Variants in NR2F6 observed in about 807,000 individuals in gnomAD.
The protein encoded by NR2F6 is nuclear receptor subfamily 2 group F member 6.
NR2F6 carries 16 observed loss-of-function variants against 26.5 expected under a neutral mutation model. The observed-to-expected ratio is 0.60, with a 90% CI of 0.41 to 0.92. The LOEUF is 0.92. Ranked by LOEUF, NR2F6 falls within the 40% of genes least tolerant of loss-of-function variation. NR2F6 has a pLI of 0.00. For missense variants in NR2F6, 536 were observed against 631.7 expected, an observed-to-expected ratio of 0.85 and a Z score of 1.62; for synonymous variants, 325 against 305.0, an observed-to-expected ratio of 1.07 and a Z score of -0.68.
chr19:17,238,714 T>G (rs924591733), intron 2 of NR2F6, among the ~76,000 whole-genome samples: 1 of 152,074 alleles, frequency 6.6e-6, no homozygotes, highest in African/African-American at 2.4e-5. Flanking sequence ...GTGATCAGTT[T>G]TAAAAGAAAG....
At chr19:17,240,851 C>A in intron 1 of NR2F6, 86 bp from the exon 2 acceptor site, 1 of 1,350,160 alleles carries the variant, frequency 7.4e-7, no homozygotes, top group South Asian at 1.3e-5. Context: ...GGAGGCTGCC[C>A]CTCAGAAATA....
intron 3 of NR2F6, among the ~76,000 whole-genome samples, chr19:17,234,634 C>T (rs533616354): frequency 2.3e-4 from 35 of 152,114 alleles, no homozygotes; most frequent in South Asian, 4.2e-4. Context: ...GGACTGGTTG[C>T]GCCCAGAAGC....
intron 2 of NR2F6, among the ~76,000 whole-genome samples, chr19:17,236,973 C>G (rs2073442323): frequency 6.6e-6 from 1 of 152,178 alleles, no homozygotes; most frequent in Non-Finnish European, 1.5e-5. Context: ...TGGCTTGTGC[C>G]GGGGTGGGCG....
rs2073414116 is a variant in NR2F6 at position 17,232,633 on chromosome 19, G to T, written c.941-7C>A. On this transcript the variant is annotated splice_region_variant and splice_polypyrimidine_tract_variant and intron_variant, in intron 3 of 3. Coordinates refer to ENST00000291442, the MANE Select transcript of NR2F6 (RefSeq NM_005234.4). The stretch of plus-strand genomic sequence containing the variant: ...TCTGAGAGGCCACAGGCGTCTAGGG[G>T]GACAAAGGCAAGTCAGACAGGTGGG... 2 of 1,524,776 alleles carry T rather than the reference G, an allele frequency of 1.3e-6. No individual in the cohort carries two copies. Among genetic ancestry groups the T allele is most frequent in the East Asian group, 4.5e-5 (2 of 44,196 alleles). The allele number at this position is 1,524,776 out of a possible 1,614,324, so 94.5% of individuals were successfully genotyped here.
At chr19:17,244,900 C>T (rs1450566933) in intron 1 of NR2F6, 43 bp downstream of exon 1, 4 of 1,545,552 alleles carry the variant, frequency 2.6e-6, no homozygotes, top group South Asian at 1.2e-5. Flanking sequence ...TGCCCCAGGT[C>T]GGGGCGGGGT....
chr19:17,235,852 A>C lies in NR2F6; in HGVS notation c.587T>G (p.Val196Gly). The change falls in exon 3 of 4, where the codon GTG (valine) becomes GGG (glycine). Residue 196 changes from valine (V) to glycine (G), a missense_variant. Transcript: ENST00000291442. The surrounding 1 kb of genome is among the most constrained non-coding windows in gnomAD (Gnocchi z 5.0). ...FGAGGGAAGA[V>G]LGIDNVCELA... ...CTCGCACACGTTGTCGATGCCCAGCACCGCGCCCGCCGCGCCGCCCCCTGC... is the reference window on the plus strand; with the variant it reads ...CTCGCACACGTTGTCGATGCCCAGCCCCGCGCCCGCCGCGCCGCCCCCTGC... The C allele has an allele frequency of 1.4e-6, 2 of 1,471,070 alleles. No homozygotes were observed. The highest frequency in any genetic ancestry group is 1.8e-6 in the Non-Finnish European group (2 of 1,119,726). 91.1% of individuals were successfully genotyped at this position (1,471,070 alleles called of 1,614,324 possible).
chr19:17,245,656 T>C lies in NR2F6; in HGVS notation c.-436A>G, dbSNP rs1398633281. The C allele has an allele frequency of 6.8e-6, 1 of 146,160 alleles. No homozygotes were observed. Among genetic ancestry groups the C allele is most frequent in the Non-Finnish European group, 1.5e-5 (1 of 65,766 alleles). The allele number at this position is 146,160 out of a possible 1,614,324, so 9.1% of individuals were successfully genotyped here. On this transcript the variant is annotated 5_prime_UTR_variant, in exon 1 of 4. Coordinates refer to ENST00000291442, the MANE Select transcript of NR2F6 (RefSeq NM_005234.4). This position sits in a 1 kb window ranked among gnomAD's most constrained non-coding sequence, Gnocchi z 5.0. ...GAGCGCGGGAGGCCGGGGGGAAAGT[T>C]TGGCCGCAAGTTGCGCGGCCGCCCG...
At chr19:17,234,258 A>T (rs576666895) in intron 3 of NR2F6, among the ~76,000 whole-genome samples, 1 of 152,088 alleles carries the variant, frequency 6.6e-6, no homozygotes, top group East Asian at 1.9e-4. Flanking sequence ...GGAAAACAAT[A>T]AATAAAGCCA....
chr19:17,234,292 G>A (rs1364428063), intron 3 of NR2F6, among the ~76,000 whole-genome samples: 1 of 151,990 alleles, frequency 6.6e-6, no homozygotes, highest in Non-Finnish European at 1.5e-5. Flanking sequence ...TTGAGACGCG[G>A]TCTCACTCTG....
At chr19:17,233,996 G>A (rs983564834) in intron 3 of NR2F6, among the ~76,000 whole-genome samples, 2 of 151,784 alleles carry the variant, frequency 1.3e-5, no homozygotes, top group Non-Finnish European at 2.9e-5. Context: ...AGGCTGAGGC[G>A]GGCAGATCAT....
rs907848836 is a variant in NR2F6 at position 17,245,148 on chromosome 19, G to T, written c.73C>A (p.Pro25Thr). ...TNGVDKAGGY[P>T]RAAEDDSASP... Reference sequence around the variant, plus strand: ...GCCGAGTCGTCCTCGGCCGCGCGCGGGTAGCCGCCCGCCTTGTCCACGCCG... The same window carrying T: ...GCCGAGTCGTCCTCGGCCGCGCGCGTGTAGCCGCCCGCCTTGTCCACGCCG... The change falls in exon 1 of 4, where the codon CCG (proline) becomes ACG (threonine). Residue 25 changes from proline to threonine, a missense_variant. Pro to Thr is a conservative substitution (Grantham distance 38, BLOSUM62 -1). Transcript: ENST00000291442. This position sits in a 1 kb window ranked among gnomAD's most constrained non-coding sequence, Gnocchi z 5.0. 10 of 1,431,568 alleles carry T rather than the reference G, an allele frequency of 7.0e-6. No homozygotes were observed. Among genetic ancestry groups the T allele is most frequent in the Non-Finnish European group, 9.1e-6 (10 of 1,097,432 alleles). 88.7% of individuals were successfully genotyped at this position (1,431,568 alleles called of 1,614,324 possible). A position where few individuals can be genotyped will look rare whatever the true frequency, so the allele number is the denominator to read the frequency against.
chr19:17,240,150 A>C (rs1476845342), intron 2 of NR2F6, among the ~76,000 whole-genome samples: 1 of 152,234 alleles, frequency 6.6e-6, no homozygotes, highest in African/African-American at 2.4e-5. Flanking sequence ...GTCAGAAGAA[A>C]GGGTAAGCTG....
intron 3 of NR2F6, among the ~76,000 whole-genome samples, chr19:17,233,727 C>T (rs2073420623): frequency 6.6e-6 from 1 of 151,996 alleles, no homozygotes; most frequent in Non-Finnish European, 1.5e-5. Flanking sequence ...AACTCCTGAC[C>T]TCAAGCAATC....
chr19:17,244,637 C>T (rs2073486747), intron 1 of NR2F6: 1 of 357,958 alleles, frequency 2.8e-6, no homozygotes, highest in Non-Finnish European at 5.1e-6. Flanking sequence ...GACAGCACCC[C>T]TACCCCCACC....
At chr19:17,242,594 C>T (rs2073475635) in intron 1 of NR2F6, among the ~76,000 whole-genome samples, 1 of 152,198 alleles carries the variant, frequency 6.6e-6, no homozygotes, top group Non-Finnish European at 1.5e-5. Flanking sequence ...TCCTGCAGCA[C>T]CAGCCACTGA....
chr19:17,244,205 T>C (rs2073483824), intron 1 of NR2F6: 1 of 152,282 alleles, frequency 6.6e-6, no homozygotes, highest in South Asian at 2.1e-4. Flanking sequence ...TTGAGGGATT[T>C]TTCCAGGAGC....
chr19:17,241,568 C>A (rs765687698), intron 1 of NR2F6, among the ~76,000 whole-genome samples: 1 of 152,200 alleles, frequency 6.6e-6, no homozygotes, highest in Non-Finnish European at 1.5e-5. Flanking sequence ...CCAGAACCTT[C>A]TCCCCTTGGC....
rs1340465953 is a variant in NR2F6 at position 17,235,406 on chromosome 19, C to T, written c.940+93G>A. On this transcript the variant is annotated intron_variant, in intron 3 of 3. Coordinates refer to ENST00000291442, the MANE Select transcript of NR2F6 (RefSeq NM_005234.4). The surrounding 1 kb of genome is among the most constrained non-coding windows in gnomAD (Gnocchi z 5.0). ...CCCCAGGCCTAGGGAGCGAGCGGGGCGCTATGGGGGCCGGAGTCTGGGTCC... is the reference window on the plus strand; with the variant it reads ...CCCCAGGCCTAGGGAGCGAGCGGGGTGCTATGGGGGCCGGAGTCTGGGTCC... 1.3e-6 allele frequency: 2 copies of T among 1,503,108 alleles called. No individual in the cohort carries two copies. The highest frequency in any genetic ancestry group is 1.8e-6 in the Non-Finnish European group (2 of 1,132,188). 93.1% of individuals were successfully genotyped at this position (1,503,108 alleles called of 1,614,324 possible). A position where few individuals can be genotyped will look rare whatever the true frequency, so the allele number is the denominator to read the frequency against.
At chr19:17,243,993 T>C (rs1339335198) in intron 1 of NR2F6, among the ~76,000 whole-genome samples, 3 of 152,038 alleles carry the variant, frequency 2.0e-5, no homozygotes. Flanking sequence ...TAGGGGCTTA[T>C]AAACGGACAG....
Sources: gnomAD v4.1 joint callset for allele counts (sites outside exome capture counted in the v4.1 genomes callset) on GRCh38, gnomAD v4.1.1 for gene constraint, Gnocchi (gnomAD v3.1) non-coding constraint, MANE v1.5 for transcripts, NCBI Gene and HGNC (gene_info 2026-07-23, HGNC 2026-07-21) for gene names.